CHCHD3: variants seen among roughly 807,000 people sequenced by gnomAD.
CHCHD3 encodes the protein coiled-coil-helix-coiled-coil-helix domain containing 3.
A neutral mutation model predicts 38.2 loss-of-function variants in CHCHD3; 20 were observed. The observed-to-expected ratio is 0.52, with a 90% CI of 0.37 to 0.76. The LOEUF (loss-of-function observed/expected upper bound fraction) is 0.76. CHCHD3 is among the 30% of genes least tolerant of loss of function. The pLI, the probability that CHCHD3 is intolerant of heterozygous loss-of-function variation, is 0.00. For synonymous variants in CHCHD3, 82 were observed against 100.0 expected (o/e 0.82, Z 1.07); for missense variants, 245 against 279.2 (o/e 0.88, Z 0.87).
chr7:132,940,148 A>G (rs756050508), intron 4 of CHCHD3, among the ~76,000 whole-genome samples: 3 of 152,234 alleles, frequency 2.0e-5, no homozygotes, highest in Non-Finnish European at 4.4e-5. Context: ...GATTAGTCAC[A>G]GCTACTCAGA....
At chr7:132,917,630 G>A (rs538414404) in intron 4 of CHCHD3, among the ~76,000 whole-genome samples, 1 of 152,150 alleles carries the variant, frequency 6.6e-6, no homozygotes, top group Non-Finnish European at 1.5e-5. Flanking sequence ...AGGCTGAGGC[G>A]GGCAGATCAC....
intron 4 of CHCHD3, among the ~76,000 whole-genome samples, chr7:132,943,708 G>A (rs577185112): frequency 9.2e-5 from 14 of 152,122 alleles, no homozygotes; most frequent in Non-Finnish European, 1.6e-4. Context: ...CTATCTAAAA[G>A]TAAAACTTAT....
At position 132,936,936 on chromosome 7, in the gene CHCHD3, T is replaced by C. The variant is rs7776578; in HGVS notation, c.369+38233A>G. Among the ~76,000 whole-genome samples, 580 of 152,286 alleles carry C rather than the reference T, an allele frequency of 3.8e-3. 3 individuals carry two copies. The highest frequency in any genetic ancestry group is 0.014 in the African/African-American group (569 of 41,560). ...CAAGAAAATTGGAGTTGCTCAGGCA[T>C]AGCAGAGTTACTGATGTTATTTGTT... On this transcript the variant is annotated intron_variant, in intron 4 of 7. Transcript: ENST00000262570.
intron 3 of CHCHD3, among the ~76,000 whole-genome samples, chr7:132,996,865 C>A (rs1812433746): frequency 6.6e-6 from 1 of 152,228 alleles, no homozygotes; most frequent in African/African-American, 2.4e-5. Flanking sequence ...GCAAGATTAA[C>A]TATCGTTAAA....
chr7:133,016,099 A>G (rs920663935), intron 3 of CHCHD3, among the ~76,000 whole-genome samples: 5 of 152,186 alleles, frequency 3.3e-5, no homozygotes, highest in Admixed American at 1.3e-4. Flanking sequence ...ACTGGGGATT[A>G]TATTTCAACA....
intron 3 of CHCHD3, among the ~76,000 whole-genome samples, chr7:133,002,429 G>A (rs1812598381): frequency 6.6e-6 from 1 of 151,980 alleles, no homozygotes; most frequent in Admixed American, 6.6e-5. Flanking sequence ...ATTAACTTTT[G>A]GCCCCTGGGT....
intron 3 of CHCHD3, among the ~76,000 whole-genome samples, chr7:132,980,655 A>G (rs1305560238): frequency 6.6e-6 from 1 of 152,158 alleles, no homozygotes; most frequent in Admixed American, 6.5e-5. Flanking sequence ...TCCTCAGTAT[A>G]TTGTCAATCA....
At chr7:132,793,711 A>G (rs1372630386) in intron 7 of CHCHD3, among the ~76,000 whole-genome samples, 3 of 152,246 alleles carry the variant, frequency 2.0e-5, no homozygotes, top group Admixed American at 2.0e-4. Flanking sequence ...GGACTTAGCC[A>G]TTGGAATTAT....
intron 5 of CHCHD3, among the ~76,000 whole-genome samples, chr7:132,860,235 C>A (rs747103133): frequency 1.3e-5 from 2 of 151,624 alleles, no homozygotes; most frequent in Non-Finnish European, 2.9e-5. Context: ...CCACTGCACT[C>A]CAGTCTGGGT....
chr7:132,869,495 G>A (rs929043034), intron 5 of CHCHD3, among the ~76,000 whole-genome samples: 15 of 152,154 alleles, frequency 9.9e-5, no homozygotes, highest in Admixed American at 2.6e-4. Context: ...CTAAGCTTAT[G>A]TGCACTAAAT....
chr7:132,959,210 A>G (rs1811252355), intron 4 of CHCHD3, among the ~76,000 whole-genome samples: 1 of 152,188 alleles, frequency 6.6e-6, no homozygotes, highest in Non-Finnish European at 1.5e-5. Context: ...TAACTCCCAA[A>G]TGAGGCTATA....
intron 4 of CHCHD3, among the ~76,000 whole-genome samples, chr7:132,891,951 G>T (rs1034301620): frequency 3.9e-5 from 6 of 152,092 alleles, no homozygotes; most frequent in Non-Finnish European, 7.4e-5. Flanking sequence ...GTTTCCTGAG[G>T]CCTTCCCAGG....
intron 4 of CHCHD3, among the ~76,000 whole-genome samples, chr7:132,963,109 T>A (rs530346028): frequency 6.7e-6 from 1 of 149,614 alleles, no homozygotes; most frequent in Non-Finnish European, 1.5e-5. Context: ...AATGAGCATG[T>A]CTTCTACCCA....
chr7:132,816,309 A>G (rs940634340), intron 6 of CHCHD3, among the ~76,000 whole-genome samples: 2 of 152,192 alleles, frequency 1.3e-5, no homozygotes, highest in East Asian at 3.9e-4. Context: ...CACTTTCTGG[A>G]GTAAAAGAGT....
chr7:132,946,285 A>G (rs892623473), intron 4 of CHCHD3, among the ~76,000 whole-genome samples: 8 of 151,928 alleles, frequency 5.3e-5, no homozygotes, highest in African/African-American at 1.9e-4. Flanking sequence ...ATTCAAAATT[A>G]TTTTAATACC....
intron 3 of CHCHD3, among the ~76,000 whole-genome samples, chr7:133,020,444 T>C (rs1813147992): frequency 6.6e-6 from 1 of 152,192 alleles, no homozygotes; most frequent in Non-Finnish European, 1.5e-5. Context: ...TAAAAGCATG[T>C]GGCCCTACCA....
At chr7:132,903,232 A>C (rs996148632) in intron 4 of CHCHD3, among the ~76,000 whole-genome samples, 1 of 152,232 alleles carries the variant, frequency 6.6e-6, no homozygotes, top group Admixed American at 6.5e-5. Context: ...ATGTTAAAGC[A>C]TCTCTAGATT....
chr7:132,823,642 G>A (rs2117072237), intron 6 of CHCHD3, among the ~76,000 whole-genome samples: 1 of 152,272 alleles, frequency 6.6e-6, no homozygotes, highest in South Asian at 2.1e-4. Flanking sequence ...TAATAATCAA[G>A]TGGACTAGCA....
chr7:132,910,985 A>C (rs1045849755), intron 4 of CHCHD3, among the ~76,000 whole-genome samples: 2 of 152,194 alleles, frequency 1.3e-5, no homozygotes, highest in African/African-American at 2.4e-5. Flanking sequence ...CTAACAGAAA[A>C]CCAAGAGGAG....
Sources: allele counts gnomAD v4.1 joint callset (sites outside exome capture counted in the v4.1 genomes callset), GRCh38; gene constraint gnomAD v4.1.1; transcripts MANE v1.5; gene names NCBI Gene and HGNC (gene_info 2026-07-23, HGNC 2026-07-21).